COL1A2: variants seen among roughly 807,000 people sequenced by gnomAD.
COL1A2 encodes the protein collagen alpha-2(I) chain.
COL1A2 carries 49 observed loss-of-function variants against 174.3 expected under a neutral mutation model. The ratio of observed to expected loss-of-function variants is 0.28; its 90% CI spans 0.22 to 0.36. The LOEUF (loss-of-function observed/expected upper bound fraction) is 0.36, where lower values mean the gene tolerates loss of function less well. Ranked by LOEUF, COL1A2 falls within the 10% of genes least tolerant of loss-of-function variation. The pLI is 1.00. For synonymous variants in COL1A2, 655 were observed against 606.6 expected (o/e 1.08, Z -1.17); for missense variants, 1,438 against 1,822.7 (o/e 0.79, Z 3.84).
intron 22 of COL1A2, 22 bp downstream of exon 22, chr7:94,410,964 T>C: frequency 6.2e-7 from 1 of 1,613,580 alleles, no homozygotes; most frequent in Non-Finnish European, 8.5e-7. Context: ...ATCACTTACT[T>C]CCTAGAAAGG....
chr7:94,403,762 T>G (rs964148314), intron 6 of COL1A2, among the ~76,000 whole-genome samples: 10 of 152,166 alleles, frequency 6.6e-5, no homozygotes, highest in Admixed American at 3.9e-4. Flanking sequence ...TTTTCAGCAT[T>G]ATGAGGAACA....
At chr7:94,405,546 T>G in intron 10 of COL1A2, 127 bp from the exon 11 acceptor site, 1 of 892,294 alleles carries the variant, frequency 1.1e-6, no homozygotes, top group Non-Finnish European at 1.9e-6. Flanking sequence ...ACTCTGTGCT[T>G]AGAGGTATAC....
intron 3 of COL1A2, 22 bp from the exon 4 acceptor site, chr7:94,399,027 C>T (rs1268020213): frequency 1.2e-6 from 2 of 1,611,842 alleles, no homozygotes; most frequent in East Asian, 4.5e-5. Context: ...TTATTATTGT[C>T]CTGTTTGTAT....
At chr7:94,424,097 C>A in intron 40 of COL1A2, 1 of 486,672 alleles carries the variant, frequency 2.1e-6, no homozygotes, top group East Asian at 3.9e-5. Context: ...AAATCTCAAC[C>A]ACATATTTTT....
chr7:94,429,080 G>A (rs1045272923), intron 50 of COL1A2, 108 bp from the exon 51 acceptor site: 6 of 932,772 alleles, frequency 6.4e-6, no homozygotes, highest in Non-Finnish European at 9.6e-6. Context: ...TTGGATCTGA[G>A]TCTACTCTTC....
At chr7:94,398,843 A>G (rs1326714477) in intron 3 of COL1A2, among the ~76,000 whole-genome samples, 1 of 152,038 alleles carries the variant, frequency 6.6e-6, no homozygotes, top group Non-Finnish European at 1.5e-5. Context: ...GCAGCTTCCA[A>G]TCCTCCAGCT....
intron 1 of COL1A2, among the ~76,000 whole-genome samples, chr7:94,396,451 T>C (rs1422504000): frequency 1.3e-5 from 2 of 152,210 alleles, no homozygotes; most frequent in Non-Finnish European, 1.5e-5. Flanking sequence ...TTCATATTTT[T>C]AATGAGATCT....
Position 94,427,666 on chromosome 7 carries a change from G to A in COL1A2, c.3307G>A (p.Val1103Ile). The stretch of plus-strand genomic sequence containing the variant: ...CCCTGGCCCTCCTGGACCTCCAGGT[G>A]TAAGCGGTGGTGGTTATGACTTTGG... The part of the protein sequence containing the change: ...GPPGPPGPPG[V>I]SGGGYDFGYD... The change falls in exon 49 of 52, where the codon GTA becomes ATA. Residue 1103 changes from valine (V) to isoleucine (I), a missense_variant. Val to Ile is a conservative substitution (Grantham distance 29, BLOSUM62 3). Coordinates refer to ENST00000297268, the MANE Select transcript of COL1A2 (RefSeq NM_000089.4). 1 of 1,614,154 alleles carries A rather than the reference G, an allele frequency of 6.2e-7. No individual in the cohort carries two copies. The highest frequency in any genetic ancestry group is 8.5e-7 in the Non-Finnish European group (1 of 1,180,014).
At chr7:94,422,358 G>C (rs1792183111) in intron 39 of COL1A2, 1 of 162,266 alleles carries the variant, frequency 6.2e-6, no homozygotes, top group African/African-American at 2.4e-5. Flanking sequence ...AGACTCTCCT[G>C]TCAGGACTCA....
intron 1 of COL1A2, chr7:94,395,355 C>T (rs1286009966): frequency 1.1e-5 from 6 of 543,620 alleles, no homozygotes; most frequent in Non-Finnish European, 2.0e-5. Flanking sequence ...GGTCTGGCTC[C>T]TCAGCTTAGT....
At chr7:94,423,255 C>A in intron 40 of COL1A2, 137 bp downstream of exon 40, 2 of 1,016,530 alleles carry the variant, frequency 2.0e-6, no homozygotes, top group South Asian at 1.4e-5. Flanking sequence ...GCCAGGAAAT[C>A]TGTCCAGCAC....
At chr7:94,426,330 T>C (rs1792276635) in intron 45 of COL1A2, 93 bp from the exon 46 acceptor site, 2 of 1,180,518 alleles carry the variant, frequency 1.7e-6, no homozygotes, top group African/African-American at 1.5e-5. Context: ...TGTCCTGAGT[T>C]ACCTTTGTAA....
In COL1A2 at chr7:94,412,127, T is replaced by C; in HGVS notation, c.1404+6T>C. On this transcript the variant is annotated splice_donor_region_variant and intron_variant, in intron 24 of 51. Coordinates refer to ENST00000297268, the MANE Select transcript of COL1A2 (RefSeq NM_000089.4). ...CTGGAAAAGAAGGTCCTGTCGTAAGTATTGCTCATTTTCCATTATATTTTC... is the reference window on the plus strand; with the variant it reads ...CTGGAAAAGAAGGTCCTGTCGTAAGCATTGCTCATTTTCCATTATATTTTC... 4.3e-6 allele frequency: 7 copies of C among 1,611,198 alleles called. No individual in the cohort carries two copies. The highest frequency in any genetic ancestry group is 5.9e-6 in the Non-Finnish European group (7 of 1,177,982).
chr7:94,411,237 TA>T (rs1474787527), intron 23 of COL1A2, 83 bp downstream of exon 23: 3 of 1,110,958 alleles, frequency 2.7e-6, no homozygotes, highest in Admixed American at 2.0e-5. Flanking sequence ...AAGATAACAA[TA>T]AAAACATCAA....
chr7:94,404,454 C>G, intron 6 of COL1A2, 102 bp from the exon 7 acceptor site: 1 of 1,243,482 alleles, frequency 8.0e-7, no homozygotes, highest in Non-Finnish European at 1.2e-6. Flanking sequence ...ACTATGGAAT[C>G]AAACCACAAC....
At position 94,413,103 on chromosome 7, in the gene COL1A2, T is replaced by C. The variant is rs142438481; in HGVS notation, c.1524T>C (p.Gly508=). The C allele has an allele frequency of 9.3e-6, 15 of 1,614,048 alleles. No individual in the cohort carries two copies. The highest frequency in any genetic ancestry group is 4.5e-5 in the East Asian group (2 of 44,896). ...KGPTGDPGKN[G]DKGHAGLAGA... Reference sequence around the variant, plus strand: ...TCTAGGGTGATCCTGGCAAAAACGGTGATAAAGGTCATGCTGGTCTTGCTG... The same window carrying C: ...TCTAGGGTGATCCTGGCAAAAACGGCGATAAAGGTCATGCTGGTCTTGCTG... Residue 508 remains glycine, a synonymous_variant, in exon 26 of 52, where the codon GGT becomes GGC. Transcript: ENST00000297268.
chr7:94,398,332 T>C, intron 2 of COL1A2, 50 bp from the exon 3 acceptor site: 1 of 655,544 alleles, frequency 1.5e-6, no homozygotes, highest in Non-Finnish European at 2.3e-6. Flanking sequence ...TGTTTTTAAA[T>C]ATATATATAC....
rs763380136 is a variant in COL1A2, at chr7:94,420,408, C to T, written c.2151C>T (p.Val717=). The change falls in exon 36 of 52, where the codon GTC becomes GTT. Residue 717 remains valine (V), a synonymous_variant. Coordinates refer to ENST00000297268, the MANE Select transcript of COL1A2 (RefSeq NM_000089.4). The part of the protein sequence containing the change: ...PRGSPGERGE[V]GPAGPNGFAG... ...CCACCTAGGGTGAACGTGGTGAGGT[C>T]GGTCCTGCTGGCCCCAATGGATTTG... 5 of 1,614,122 alleles carry T rather than the reference C, an allele frequency of 3.1e-6. No individual in the cohort carries two copies. Among genetic ancestry groups the T allele is most frequent in the East Asian group, 2.2e-5 (1 of 44,888 alleles).
intron 40 of COL1A2, chr7:94,423,784 G>A (rs113144925): frequency 3.6e-5 from 6 of 164,498 alleles, no homozygotes; most frequent in Non-Finnish European, 5.3e-5. Flanking sequence ...TAGTAAAGAC[G>A]GGGTTTCACC....
Sources: gnomAD v4.1 joint callset for allele counts (sites outside exome capture counted in the v4.1 genomes callset) on GRCh38, gnomAD v4.1.1 for gene constraint, MANE v1.5 for transcripts, NCBI Gene and HGNC (gene_info 2026-07-23, HGNC 2026-07-21) for gene names.